The following KCNN3 variants were observed in gnomAD, a reference collection of about 807,000 sequenced individuals.
KCNN3 encodes the protein small conductance calcium-activated potassium channel protein 3.
In KCNN3, 16 loss-of-function variants were observed where a neutral mutation model predicts 62.9. That is an observed-to-expected ratio of 0.25 (90% CI 0.17 to 0.39). KCNN3 has a LOEUF of 0.39. Ranked by LOEUF, KCNN3 falls within the 10% of genes least tolerant of loss-of-function variation. The probability of loss-of-function intolerance (pLI) is 1.00; values close to 1 mark genes in which losing one functional copy is unlikely to be tolerated. For missense variants in KCNN3, 599 were observed against 949.4 expected, an observed-to-expected ratio of 0.63 and a Z score of 4.85; for synonymous variants, 370 against 389.2, an observed-to-expected ratio of 0.95 and a Z score of 0.58.
intron 2 of KCNN3, among the ~76,000 whole-genome samples, chr1:154,791,725 C>T (rs1557978389): frequency 6.6e-6 from 1 of 152,204 alleles, no homozygotes; most frequent in Non-Finnish European, 1.5e-5. Context: ...TCTTCCACAG[C>T]TTAAAGTACC....
chr1:154,862,981 C>T lies in KCNN3; in HGVS notation c.933+6051G>A, dbSNP rs1294077676. Among the ~76,000 whole-genome samples the T allele has an allele frequency of 6.6e-6, 1 of 151,868 alleles. No homozygotes were observed. Among genetic ancestry groups the T allele is most frequent in the Non-Finnish European group, 1.5e-5 (1 of 67,958 alleles). ...ACCACCGCTGGCAGTGTCAGTGTGG[C>T]CCGGTGACTTCATCTACACAGGGGG... On this transcript the variant is annotated intron_variant, in intron 1 of 7. Coordinates refer to ENST00000271915, the MANE Select transcript of KCNN3 (RefSeq NM_002249.6). This position sits in a 1 kb window ranked among gnomAD's most constrained non-coding sequence, Gnocchi z 4.1.
At chr1:154,793,930 T>C (rs1400031639) in intron 2 of KCNN3, among the ~76,000 whole-genome samples, 2 of 152,228 alleles carry the variant, frequency 1.3e-5, no homozygotes, top group Middle Eastern at 3.2e-3. Flanking sequence ...CTTTCCCCCA[T>C]GCATGCCTTT....
intron 2 of KCNN3, 123 bp downstream of exon 2, chr1:154,821,966 C>T: frequency 6.7e-6 from 5 of 749,860 alleles, no homozygotes; most frequent in Non-Finnish European, 1.2e-5. Context: ...ATCTTGGGCA[C>T]CGTCTTGTAA....
intron 2 of KCNN3, among the ~76,000 whole-genome samples, chr1:154,810,665 A>G (rs1650368235): frequency 6.6e-6 from 1 of 152,200 alleles, no homozygotes; most frequent in South Asian, 2.1e-4. Context: ...GGCACAGCCA[A>G]GGTGGGGGTG....
chr1:154,794,976 C>T (rs1649668838), intron 2 of KCNN3, among the ~76,000 whole-genome samples: 1 of 152,148 alleles, frequency 6.6e-6, no homozygotes, highest in Admixed American at 6.5e-5. Flanking sequence ...ATAAGGGGGG[C>T]TATTTCTTCA....
rs111469931 is a variant in KCNN3 at position 154,790,178 on chromosome 1, G to T, written c.1030-17785C>A. 9.9e-5 allele frequency among the ~76,000 whole-genome samples: 15 copies of T among 152,136 alleles called. No individual in the cohort carries two copies. In the East Asian group the frequency reaches 2.9e-3, roughly 29 times the overall value. On this transcript the variant is annotated intron_variant, in intron 2 of 7. Coordinates refer to ENST00000271915, the MANE Select transcript of KCNN3 (RefSeq NM_002249.6). The stretch of plus-strand genomic sequence containing the variant: ...ACTCCTGATCTCAGGTGATCTGCCC[G>T]CCTCGGCCTCCCAAAGTGCTGGGAT...
At chr1:154,770,883 C>A (rs1488808301) in intron 3 of KCNN3, among the ~76,000 whole-genome samples, 1 of 151,934 alleles carries the variant, frequency 6.6e-6, no homozygotes, top group Non-Finnish European at 1.5e-5. Flanking sequence ...ATGGTGAAAC[C>A]CCATCTCTAC....
At chr1:154,821,486 C>T (rs2101893899) in intron 2 of KCNN3, among the ~76,000 whole-genome samples, 1 of 152,252 alleles carries the variant, frequency 6.6e-6, no homozygotes, top group South Asian at 2.1e-4. Context: ...GGAAGTGCAC[C>T]CTGGAGGCCC....
intron 2 of KCNN3, among the ~76,000 whole-genome samples, chr1:154,806,122 T>C (rs1650163493): frequency 6.6e-6 from 1 of 152,060 alleles, no homozygotes; most frequent in African/African-American, 2.4e-5. Context: ...GGGGCCGTTG[T>C]GGGGTATGGG....
chr1:154,826,309 A>G (rs769305770), intron 1 of KCNN3, among the ~76,000 whole-genome samples: 11 of 152,204 alleles, frequency 7.2e-5, no homozygotes, highest in Non-Finnish European at 1.2e-4. Flanking sequence ...CCAGGCCACG[A>G]GCCAGCCCTT....
intron 2 of KCNN3, among the ~76,000 whole-genome samples, chr1:154,795,969 A>T (rs964248259): frequency 6.6e-6 from 1 of 152,140 alleles, no homozygotes; most frequent in African/African-American, 2.4e-5. Flanking sequence ...GACAAGGAGG[A>T]GCAGCCAAAA....
intron 4 of KCNN3, among the ~76,000 whole-genome samples, chr1:154,727,172 G>A (rs915516221): frequency 1.3e-5 from 2 of 152,122 alleles, no homozygotes; most frequent in Non-Finnish European, 2.9e-5. Flanking sequence ...TGTGCCCTGC[G>A]CCGCCCTGAC....
chr1:154,812,452 C>T (rs1197932461), intron 2 of KCNN3, among the ~76,000 whole-genome samples: 1 of 151,190 alleles, frequency 6.6e-6, no homozygotes, highest in African/African-American at 2.4e-5. Flanking sequence ...TGTTCCCCTT[C>T]CTGTGTCCAT....
rs74568435 is a variant in KCNN3 at position 154,755,332 on chromosome 1, G to A, written c.1448+16643C>T. On this transcript the variant is annotated intron_variant, in intron 3 of 7. Coordinates refer to ENST00000271915, the MANE Select transcript of KCNN3 (RefSeq NM_002249.6). ...AAAATTTTTGTATTTAGCCAGGCAT[G>A]GTGGCTTATGCCTGTAGTCCCAGCT... Among the ~76,000 whole-genome samples, 56 of 151,842 alleles carry A rather than the reference G, an allele frequency of 3.7e-4. No individual in the cohort carries two copies. In the South Asian group the frequency reaches 9.2e-3, roughly 25 times the overall value.
At chr1:154,849,287 G>A (rs1652212644) in intron 1 of KCNN3, among the ~76,000 whole-genome samples, 1 of 152,200 alleles carries the variant, frequency 6.6e-6, no homozygotes, top group African/African-American at 2.4e-5. Flanking sequence ...CCTGTTCAAG[G>A]AAACACAAGC....
intron 3 of KCNN3, among the ~76,000 whole-genome samples, chr1:154,756,899 G>A (rs1269756227): frequency 2.0e-5 from 3 of 152,138 alleles, no homozygotes; most frequent in East Asian, 1.9e-4. Flanking sequence ...CACAGTGCCT[G>A]GTGAATAGCA....
chr1:154,852,297 C>G (rs996686750), intron 1 of KCNN3, among the ~76,000 whole-genome samples: 1 of 150,858 alleles, frequency 6.6e-6, no homozygotes, highest in African/African-American at 2.4e-5. Context: ...ACCACAGCCT[C>G]AACAGCAAGC....
chr1:154,836,224 G>A (rs748180573), intron 1 of KCNN3, among the ~76,000 whole-genome samples: 14 of 152,168 alleles, frequency 9.2e-5, no homozygotes, highest in Admixed American at 2.0e-4. Context: ...CAGCCAGAAG[G>A]TACCTCGTAC....
At chr1:154,856,842 G>C (rs1652552950) in intron 1 of KCNN3, among the ~76,000 whole-genome samples, 1 of 152,154 alleles carries the variant, frequency 6.6e-6, no homozygotes, top group Non-Finnish European at 1.5e-5. Context: ...CACCAGGCTA[G>C]ATAGCCCATA....
Sources: gnomAD v4.1 joint callset for allele counts (sites outside exome capture counted in the v4.1 genomes callset) on GRCh38, gnomAD v4.1.1 for gene constraint, Gnocchi (gnomAD v3.1) non-coding constraint, MANE v1.5 for transcripts, NCBI Gene and HGNC (gene_info 2026-07-23, HGNC 2026-07-21) for gene names.